Variants in SPECC1L observed in about 807,000 individuals in gnomAD.
SPECC1L encodes the protein cytospin-A.
Under a neutral mutation model 116.8 loss-of-function variants are expected in SPECC1L, and 40 were observed. That is an observed-to-expected ratio of 0.34 (90% CI 0.27 to 0.45). The LOEUF (loss-of-function observed/expected upper bound fraction) is 0.45. SPECC1L is among the 20% of genes least tolerant of loss of function. The pLI, the probability that SPECC1L is intolerant of heterozygous loss-of-function variation, is 1.00. For missense variants in SPECC1L, 1,110 were observed against 1,373.6 expected (o/e 0.81, Z 3.03); for synonymous variants, 504 against 500.6 (o/e 1.01, Z -0.09).
chr22:24,363,250 A>G lies in SPECC1L; in HGVS notation c.2744-11A>G, dbSNP rs2146622666. 5 of 1,611,940 alleles carry G rather than the reference A, an allele frequency of 3.1e-6. No individual in the cohort carries two copies. The highest frequency in any genetic ancestry group is 2.2e-5 in the East Asian group (1 of 44,880). On this transcript the variant is annotated splice_polypyrimidine_tract_variant and intron_variant, in intron 11 of 16. Transcript: ENST00000314328. ...AGATTTCTTTATTGGGATTCTTTCT[A>G]CTTTGTACAGAGCATCTGTTAAGAA...
intron 4 of SPECC1L, among the ~76,000 whole-genome samples, chr22:24,317,926 C>T (rs11912817): frequency 4.0e-5 from 6 of 150,776 alleles, no homozygotes; most frequent in African/African-American, 1.2e-4. Flanking sequence ...AGATGATGGG[C>T]GGCCGGGCAG....
intron 9 of SPECC1L, among the ~76,000 whole-genome samples, chr22:24,336,166 A>G (rs768192274): frequency 2.6e-5 from 4 of 152,066 alleles, no homozygotes; most frequent in African/African-American, 9.7e-5. Flanking sequence ...ATGTTAAAAC[A>G]TGTCTGTGAT....
chr22:24,385,586 T>C (rs570439206), intron 14 of SPECC1L, among the ~76,000 whole-genome samples: 22 of 152,300 alleles, frequency 1.4e-4, no homozygotes, highest in East Asian at 9.6e-4. Flanking sequence ...GTAAGAAATA[T>C]TACTAGAGAT....
At chr22:24,275,517 G>C (rs1324976258) in intron 1 of SPECC1L, among the ~76,000 whole-genome samples, 3 of 150,412 alleles carry the variant, frequency 2.0e-5, no homozygotes, top group Non-Finnish European at 3.0e-5. Context: ...ATTTGACACA[G>C]ATCACTTCCC....
chr22:24,314,438 A>G (rs900311916), intron 4 of SPECC1L, among the ~76,000 whole-genome samples: 7 of 152,222 alleles, frequency 4.6e-5, no homozygotes, highest in African/African-American at 1.2e-4. Flanking sequence ...AACTTATTCA[A>G]TGAGTATTTA....
chr22:24,305,642 A>C (rs1020510689), intron 3 of SPECC1L, among the ~76,000 whole-genome samples: 1 of 152,108 alleles, frequency 6.6e-6, no homozygotes, highest in Non-Finnish European at 1.5e-5. Flanking sequence ...ACATTCTTAT[A>C]TGTGTGTATT....
At chr22:24,294,399 TG>T (rs1252348710) in intron 2 of SPECC1L, among the ~76,000 whole-genome samples, 33 of 150,760 alleles carry the variant, frequency 2.2e-4, no homozygotes, top group Non-Finnish European at 1.3e-4. Context: ...TTTTTTTTTT[TG>T]AGATGGAGTC....
At chr22:24,349,930 A>G (rs1569430614) in intron 11 of SPECC1L, among the ~76,000 whole-genome samples, 1 of 152,124 alleles carries the variant, frequency 6.6e-6, no homozygotes, top group Non-Finnish European at 1.5e-5. Context: ...CAAACCCTCT[A>G]CATCTCCCCA....
At chr22:24,365,413 A>T (rs1279268648) in intron 12 of SPECC1L, 63 bp from the exon 13 acceptor site, 1 of 1,541,414 alleles carries the variant, frequency 6.5e-7, no homozygotes. Context: ...CAGAAAAAAA[A>T]AATCTCAAGA....
At chr22:24,363,047 A>G (rs1257341501) in intron 11 of SPECC1L, among the ~76,000 whole-genome samples, 4 of 152,170 alleles carry the variant, frequency 2.6e-5, no homozygotes, top group Non-Finnish European at 4.4e-5. Flanking sequence ...TCTCATTCCT[A>G]GAGATAAAAC....
chr22:24,291,175 G>A (rs1367185176), intron 2 of SPECC1L, among the ~76,000 whole-genome samples: 1 of 152,216 alleles, frequency 6.6e-6, no homozygotes, highest in Non-Finnish European at 1.5e-5. Context: ...GATTTTCAGT[G>A]GGTATTGATA....
chr22:24,414,414 G>T (rs917833744), intron 16 of SPECC1L, 120 bp from the exon 17 acceptor site: 3 of 809,774 alleles, frequency 3.7e-6, no homozygotes, highest in Middle Eastern at 2.4e-4. Context: ...GTGTAATTAG[G>T]CCTAGAAAAT....
rs148824984 is a variant in SPECC1L at position 24,311,636 on chromosome 22, C to T, written c.154-1677C>T. ...CCTGGCCAACGTGGGAATACCCCATCTCTACTAAGAATATAAAAATTAGCT... is the reference window on the plus strand; with the variant it reads ...CCTGGCCAACGTGGGAATACCCCATTTCTACTAAGAATATAAAAATTAGCT... On this transcript the variant is annotated intron_variant, in intron 3 of 16. Transcript: ENST00000314328. 5.1e-4 allele frequency among the ~76,000 whole-genome samples: 77 copies of T among 152,066 alleles called. 3 individuals carry two copies. The East Asian group carries it at 0.015, about 29-fold the overall frequency.
intron 14 of SPECC1L, among the ~76,000 whole-genome samples, chr22:24,372,807 T>C (rs2041897750): frequency 6.6e-6 from 1 of 152,018 alleles, no homozygotes; most frequent in Non-Finnish European, 1.5e-5. Flanking sequence ...ATAAAGAGTA[T>C]TCAGTTAGGA....
At chr22:24,396,265 A>G (rs2042366547) in intron 14 of SPECC1L, among the ~76,000 whole-genome samples, 1 of 151,592 alleles carries the variant, frequency 6.6e-6, no homozygotes, top group Non-Finnish European at 1.5e-5. Context: ...AGTCTAGAGT[A>G]TGACCTTTGC....
At chr22:24,361,884 AAAG>A (rs770984269) in intron 11 of SPECC1L, among the ~76,000 whole-genome samples, 26 of 152,184 alleles carry the variant, frequency 1.7e-4, no homozygotes, top group Non-Finnish European at 3.1e-4. Context: ...GGAGGAGGAA[AAAG>A]AAGAAAAAAG....
At chr22:24,280,846 G>A (rs1257246882) in intron 2 of SPECC1L, among the ~76,000 whole-genome samples, 3 of 152,092 alleles carry the variant, frequency 2.0e-5, no homozygotes, top group Non-Finnish European at 2.9e-5. Context: ...CTCGGCCACC[G>A]AAAGTGTTGG....
chr22:24,328,868 C>A lies in SPECC1L; in HGVS notation c.2169C>A (p.Asp723Glu). 1 of 1,613,500 alleles carries A rather than the reference C, an allele frequency of 6.2e-7. No individual in the cohort carries two copies. Among genetic ancestry groups the A allele is most frequent in the South Asian group, 1.1e-5 (1 of 91,054 alleles). Reference protein sequence around the residue: ...DLENTVKKLQDQKHDMEREIK... With the variant: ...DLENTVKKLQEQKHDMEREIK... ...CAGATACAGTTAAAAAACTCCAGGA[C>A]CAAAAGCACGACATGGAAAGAGAAA... is the stretch of plus-strand genomic sequence containing the variant. Residue 723 changes from aspartate to glutamate, a missense_variant, in exon 7 of 17, where the codon GAC (aspartate) becomes GAA (glutamate). Transcript: ENST00000314328.
chr22:24,294,767 A>G (rs1157534865), intron 2 of SPECC1L, among the ~76,000 whole-genome samples: 1 of 152,118 alleles, frequency 6.6e-6, no homozygotes, highest in African/African-American at 2.4e-5. Flanking sequence ...CTGGACATGG[A>G]ATAAACGTTT....
Sources: gnomAD v4.1 joint callset for allele counts (sites outside exome capture counted in the v4.1 genomes callset) on GRCh38, gnomAD v4.1.1 for gene constraint, MANE v1.5 for transcripts, NCBI Gene and HGNC (gene_info 2026-07-23, HGNC 2026-07-21) for gene names.